Variants in INSL6 observed in about 807,000 individuals in gnomAD.
The protein encoded by INSL6 is insulin-like peptide INSL6.
In INSL6, 16 loss-of-function variants were observed where a neutral mutation model predicts 9.4. That is an observed-to-expected ratio of 1.70 (90% confidence interval 1.15 to 2.59). INSL6 has a LOEUF of 2.59. Among genes scored for constraint, INSL6 ranks in the 30% most tolerant of loss-of-function variants. The pLI is 0.00. For synonymous variants in INSL6, 154 were observed against 96.9 expected (o/e 1.59, Z -3.46); for missense variants, 391 against 257.3 (o/e 1.52, Z -3.56).
the INSL6 span, chr9:5,112,866 G>T: frequency 6.6e-6 from 3 of 455,932 alleles, no homozygotes; most frequent in Non-Finnish European, 1.1e-5. Flanking sequence ...CGCCTCCGTG[G>T]GACGAGCCAC....
chr9:4,993,405 C>A, the INSL6 span, among the ~76,000 whole-genome samples: 1 of 152,150 alleles, frequency 6.6e-6, no homozygotes, highest in Non-Finnish European at 1.5e-5. Flanking sequence ...TGAAATTCTA[C>A]TCAAAAAATG....
At chr9:5,042,149 G>A in the INSL6 span, among the ~76,000 whole-genome samples, 72 of 36,708 alleles carry the variant, frequency 2.0e-3, no homozygotes, top group Non-Finnish European at 3.5e-3. Flanking sequence ...TTTTTTTTTT[G>A]AGACGGAGTC....
At chr9:5,141,479 T>C in intron 2 of INSL6, among the ~76,000 whole-genome samples, 1 of 152,234 alleles carries the variant, frequency 6.6e-6, no homozygotes, top group East Asian at 1.9e-4. Flanking sequence ...TTTCATACGA[T>C]TGTTGGCCAC....
exon 4 of INSL6, among the ~76,000 whole-genome samples, chr9:5,123,956 G>A (rs1272764680): frequency 1.3e-5 from 2 of 150,040 alleles, no homozygotes; most frequent in Non-Finnish European, 3.0e-5. Context: ...GCATTTCTCT[G>A]GTGATTAGTG....
intron 1 of INSL6, among the ~76,000 whole-genome samples, chr9:5,166,459 AC>A (rs1387516783): frequency 7.9e-5 from 12 of 152,310 alleles, no homozygotes; most frequent in African/African-American, 2.9e-4. Flanking sequence ...CTAATCAGGA[AC>A]AAAAAAGATG....
chr9:5,145,209 C>T (rs1177855690), intron 2 of INSL6, among the ~76,000 whole-genome samples: 3 of 152,086 alleles, frequency 2.0e-5, no homozygotes, highest in Admixed American at 6.5e-5. Context: ...TCTTATTTCT[C>T]GTTCACTTAT....
At chr9:5,154,769 A>T (rs1219684639) in intron 2 of INSL6, among the ~76,000 whole-genome samples, 1 of 152,242 alleles carries the variant, frequency 6.6e-6, no homozygotes, top group African/African-American at 2.4e-5. Flanking sequence ...TCAAAACCAC[A>T]ATGAGATACC....
the INSL6 span, chr9:5,110,963 G>A: frequency 1.7e-6 from 1 of 604,242 alleles, no homozygotes; most frequent in Non-Finnish European, 3.1e-6. Context: ...AAGGAGCTCA[G>A]TAACCTGGAC....
the INSL6 span, chr9:5,085,297 G>T: frequency 1.4e-6 from 1 of 722,562 alleles, no homozygotes; most frequent in Non-Finnish European, 2.6e-6. Context: ...GTTAGAACAT[G>T]AGGTGAAGTC....
chr9:5,154,041 C>T (rs1465598356), intron 2 of INSL6, among the ~76,000 whole-genome samples: 1 of 152,192 alleles, frequency 6.6e-6, no homozygotes, highest in Non-Finnish European at 1.5e-5. Context: ...AAGAACAAAG[C>T]TGGAGGCATC....
chr9:5,069,862 C>T, the INSL6 span: 2 of 1,139,346 alleles, frequency 1.8e-6, no homozygotes, highest in Non-Finnish European at 2.5e-6. Context: ...TTTTACTCCT[C>T]TTTGGAGCAA....
the INSL6 span, among the ~76,000 whole-genome samples, chr9:5,081,324 T>C: frequency 2.0e-5 from 3 of 152,178 alleles, no homozygotes; most frequent in African/African-American, 7.2e-5. Flanking sequence ...TATTTTATAA[T>C]TGATTGATTC....
At position 5,167,233 on chromosome 9, in the gene INSL6, C is replaced by A. The variant is rs912536723; in HGVS notation, c.290-2968G>T. Among the ~76,000 whole-genome samples, 84 of 152,182 alleles carry A rather than the reference C, an allele frequency of 5.5e-4. 1 individual carries two copies. Among genetic ancestry groups the A allele is most frequent in the Non-Finnish European group, 1.0e-3 (70 of 68,036 alleles). ...CCCTCCCTGAAAACCATGCTTTTAC[C>A]ATGAATCCTTGCAACCTGGGGATCA... On this transcript the variant is annotated intron_variant, in intron 1 of 1. Transcript: ENST00000381641.
chr9:5,185,130 T>TA (rs569111077), intron 1 of INSL6, among the ~76,000 whole-genome samples, 184 bp downstream of exon 1: 78 of 148,398 alleles, frequency 5.3e-4, no homozygotes, highest in Middle Eastern at 3.5e-3. Flanking sequence ...TCCTCCAAGT[T>TA]AAAAAAAAAA....
intron 2 of INSL6, among the ~76,000 whole-genome samples, chr9:5,150,613 T>C (rs1346355372): frequency 6.6e-6 from 1 of 151,912 alleles, no homozygotes; most frequent in Non-Finnish European, 1.5e-5. Flanking sequence ...AGAACACTTA[T>C]TATTTTGGAA....
chr9:5,064,492 T>A, the INSL6 span, among the ~76,000 whole-genome samples: 1 of 149,040 alleles, frequency 6.7e-6, no homozygotes, highest in Admixed American at 6.7e-5. Context: ...ATTGTGCCAG[T>A]GCACTTCAGC....
At chr9:5,048,491 C>G in the INSL6 span, among the ~76,000 whole-genome samples, 3 of 152,050 alleles carry the variant, frequency 2.0e-5, no homozygotes, top group Non-Finnish European at 4.4e-5. Flanking sequence ...AAGAATCTAC[C>G]AAGTCATTGA....
chr9:5,102,494 C>G, the INSL6 span, among the ~76,000 whole-genome samples: 3 of 152,254 alleles, frequency 2.0e-5, no homozygotes, highest in East Asian at 5.8e-4. Context: ...GAGAACTTCC[C>G]CGACCTACCA....
intron 1 of INSL6, among the ~76,000 whole-genome samples, chr9:5,184,491 T>C (rs1416691939): frequency 1.3e-5 from 2 of 152,226 alleles, no homozygotes; most frequent in East Asian, 1.9e-4. Context: ...AAGCATCAAG[T>C]ATAAATTCAG....
Sources: allele counts gnomAD v4.1 joint callset (sites outside exome capture counted in the v4.1 genomes callset), GRCh38; gene constraint gnomAD v4.1.1; transcripts MANE v1.5; gene names NCBI Gene and HGNC (gene_info 2026-07-23, HGNC 2026-07-21).